ZRANB1: variants seen among roughly 807,000 people sequenced by gnomAD.
ZRANB1 encodes the protein ubiquitin thioesterase ZRANB1.
In ZRANB1, 16 loss-of-function variants were observed where a neutral mutation model predicts 80.5. The observed-to-expected ratio is 0.20, with a 90% confidence interval of 0.13 to 0.30. The LOEUF (loss-of-function observed/expected upper bound fraction) is 0.30. Among genes scored for constraint, ZRANB1 ranks in the 10% least tolerant of loss-of-function variants. The pLI is 1.00. For missense variants in ZRANB1, 576 were observed against 862.6 expected (o/e 0.67, Z 4.16); for synonymous variants, 291 against 293.1 (o/e 0.99, Z 0.07).
At chr10:124,938,542 G>T (rs991613771), upstream of ZRANB1, among the ~76,000 whole-genome samples, 1 of 151,858 alleles carries the variant, frequency 6.6e-6, no homozygotes, top group Non-Finnish European at 1.5e-5. Flanking sequence ...GCCCAGGCTG[G>T]TCTCGAACTC....
Position 124,966,792 on chromosome 10 carries a change from C to A in ZRANB1, c.1002+11C>A. 3 of 1,600,968 alleles carry A rather than the reference C, an allele frequency of 1.9e-6. No individual in the cohort carries two copies. The highest frequency in any genetic ancestry group is 1.1e-5 in the South Asian group (1 of 90,158). ...ATATTGCTTACAGAGGTAAGTTTGGCGTTTTGGTTAAATGTTCTTTTATAT... is the reference window on the plus strand; with the variant it reads ...ATATTGCTTACAGAGGTAAGTTTGGAGTTTTGGTTAAATGTTCTTTTATAT... On this transcript the variant is annotated intron_variant, in intron 2 of 8. Coordinates refer to ENST00000359653, the MANE Select transcript of ZRANB1 (RefSeq NM_017580.3).
chr10:124,977,711 G>GAAAAA (rs752296814), intron 5 of ZRANB1, among the ~76,000 whole-genome samples: 75 of 48,512 alleles, frequency 1.5e-3, no homozygotes, highest in Middle Eastern at 9.8e-3. Flanking sequence ...ACCCTGCTAA[G>GAAAAA]AAAAAAAAAA....
chr10:124,923,113 C>G, the ZRANB1 span, among the ~76,000 whole-genome samples: 1 of 152,006 alleles, frequency 6.6e-6, no homozygotes, highest in South Asian at 2.1e-4. Flanking sequence ...ATGGTGAAAC[C>G]TCGTCTCTAC....
At chr10:124,980,042 AGCTT>A (rs1483598872) in intron 5 of ZRANB1, among the ~76,000 whole-genome samples, 3 of 152,240 alleles carry the variant, frequency 2.0e-5, no homozygotes, top group African/African-American at 7.2e-5. Flanking sequence ...TTTAGGATAC[AGCTT>A]TATCGATTTT....
chr10:124,987,196 G>T lies in ZRANB1; in HGVS notation c.*2204G>T, dbSNP rs78159028. 1 of 152,448 alleles carries T rather than the reference G, an allele frequency of 6.6e-6. No homozygotes were observed. Among genetic ancestry groups the T allele is most frequent in the African/African-American group, 2.4e-5 (1 of 41,364 alleles). 9.4% of individuals were successfully genotyped at this position (152,448 alleles called of 1,614,324 possible). Reference sequence around the variant, plus strand: ...CAGCCATAATTATTGTCCCAAGATAGAATATAGTCCTTTTTCAAAGATGAT... The same window carrying T: ...CAGCCATAATTATTGTCCCAAGATATAATATAGTCCTTTTTCAAAGATGAT... On this transcript the variant is annotated 3_prime_UTR_variant, in exon 9 of 9. Coordinates refer to ENST00000359653, the MANE Select transcript of ZRANB1 (RefSeq NM_017580.3).
intron 1 of ZRANB1, among the ~76,000 whole-genome samples, chr10:124,953,227 A>G (rs550569908): frequency 1.7e-4 from 26 of 152,214 alleles, no homozygotes; most frequent in African/African-American, 6.0e-4. Flanking sequence ...TGTCCAGCCA[A>G]CAAATAATAC....
At chr10:124,957,301 A>G (rs1278411869) in intron 1 of ZRANB1, among the ~76,000 whole-genome samples, 1 of 151,962 alleles carries the variant, frequency 6.6e-6, no homozygotes, top group Non-Finnish European at 1.5e-5. Context: ...TAGAGGAGGG[A>G]GGAATACTAT....
chr10:124,942,269 C>CT lies in ZRANB1; in HGVS notation c.-222dup. The CT allele has an allele frequency of 7.3e-7, 1 of 1,362,770 alleles. No homozygotes were observed. Among genetic ancestry groups the CT allele is most frequent in the Non-Finnish European group, 9.4e-7 (1 of 1,060,154 alleles). 84.4% of individuals were successfully genotyped at this position (1,362,770 alleles called of 1,614,324 possible). A position where few individuals can be genotyped will look rare whatever the true frequency, so the allele number is the denominator to read the frequency against. ...TAAATCCCAGGGTCTAAGATTTTTT[C>CT]TTTGAGAATTTATCTCCAGTGTTTC... is the stretch of plus-strand genomic sequence containing the variant. On this transcript the variant is annotated 5_prime_UTR_variant, in exon 1 of 9. Coordinates refer to ENST00000359653, the MANE Select transcript of ZRANB1 (RefSeq NM_017580.3).
chr10:124,984,451 T>G (rs957128267), intron 8 of ZRANB1: 7 of 260,668 alleles, frequency 2.7e-5, no homozygotes, highest in Non-Finnish European at 4.3e-5. Flanking sequence ...TAAGTAAACT[T>G]ACCTTGTCAT....
chr10:124,939,304 G>T (rs189260445), upstream of ZRANB1, among the ~76,000 whole-genome samples: 1 of 152,054 alleles, frequency 6.6e-6, no homozygotes, highest in East Asian at 1.9e-4. Flanking sequence ...AAAGTGCTGG[G>T]ATTAAAGACT....
At chr10:124,976,655 T>G (rs944786907) in intron 5 of ZRANB1, among the ~76,000 whole-genome samples, 1 of 138,340 alleles carries the variant, frequency 7.2e-6, no homozygotes, top group Non-Finnish European at 1.5e-5. Context: ...CACTGCAACC[T>G]CTGCCTCCCG....
chr10:124,965,223 G>A (rs983667077), intron 1 of ZRANB1, among the ~76,000 whole-genome samples: 4 of 152,216 alleles, frequency 2.6e-5, no homozygotes, highest in Non-Finnish European at 4.4e-5. Flanking sequence ...TATGCATGGT[G>A]AGGAATTTAT....
chr10:124,973,562 AGGTAATTAATAAGTGTAATT>A lies in ZRANB1; in HGVS notation c.1157-82_1157-63del, dbSNP rs534559304. 304 of 1,187,284 alleles carry A rather than the reference AGGTAATTAATAAGTGTAATT, an allele frequency of 2.6e-4. No individual in the cohort carries two copies. The African/African-American group carries it at 3.7e-3, about 14-fold the overall frequency. The allele number at this position is 1,187,284 out of a possible 1,614,324, so 73.5% of individuals were successfully genotyped here. A position where few individuals can be genotyped will look rare whatever the true frequency, so the allele number is the denominator to read the frequency against. Reference sequence around the variant, plus strand: ...AGTTATTTTAGAGAAAGTTACTAGTAGGTAATTAATAAGTGTAATTAAGTATAAGTTAAGTGTAAGTTATG... The same window carrying A: ...AGTTATTTTAGAGAAAGTTACTAGTAAAGTATAAGTTAAGTGTAAGTTATG... On this transcript the variant is annotated intron_variant, in intron 3 of 8. Transcript: ENST00000359653.
chr10:124,964,211 C>A (rs1951759490), intron 1 of ZRANB1, among the ~76,000 whole-genome samples: 1 of 152,130 alleles, frequency 6.6e-6, no homozygotes, highest in African/African-American at 2.4e-5. Context: ...ATTGTAAGTT[C>A]TGGTTATATT....
At chr10:124,969,411 G>T (rs897461583) in intron 2 of ZRANB1, among the ~76,000 whole-genome samples, 2 of 152,138 alleles carry the variant, frequency 1.3e-5, no homozygotes, top group African/African-American at 4.8e-5. Flanking sequence ...GACTGGAAGT[G>T]GGGGAGTCTG....
chr10:124,917,353 C>CGGGCTGTCCGCCCGCCCGGCGCCCCAG, the ZRANB1 span: 4 of 150,648 alleles, frequency 2.7e-5, no homozygotes, highest in Non-Finnish European at 5.9e-5. Flanking sequence ...CCGGGCCTCA[C>CGGGCTGTCCGCCCGCCCGGCGCCCCAG]GGGCTGTCCG....
the ZRANB1 span, among the ~76,000 whole-genome samples, chr10:124,921,373 A>G: frequency 3.9e-5 from 6 of 152,342 alleles, no homozygotes; most frequent in East Asian, 1.9e-4. Context: ...CTACCTGTCA[A>G]CCGTCTTGAA....
the ZRANB1 span, among the ~76,000 whole-genome samples, chr10:124,920,942 A>G: frequency 1.3e-5 from 2 of 152,138 alleles, no homozygotes; most frequent in African/African-American, 4.8e-5. Context: ...GAGGTATTCT[A>G]GGATATGCAG....
chr10:124,918,069 A>T, the ZRANB1 span, among the ~76,000 whole-genome samples: 1 of 152,054 alleles, frequency 6.6e-6, no homozygotes, highest in East Asian at 1.9e-4. Context: ...CTTTTCTGTA[A>T]CTCCGTAGAC....
Sources: allele counts gnomAD v4.1 joint callset (sites outside exome capture counted in the v4.1 genomes callset), GRCh38; gene constraint gnomAD v4.1.1; transcripts MANE v1.5; gene names NCBI Gene and HGNC (gene_info 2026-07-23, HGNC 2026-07-21).